Variants in RASGRF2 observed in about 807,000 individuals in gnomAD.
RASGRF2 encodes Ras protein specific guanine nucleotide releasing factor 2.
RASGRF2 carries 76 observed loss-of-function variants against 151.0 expected under a neutral mutation model. The observed-to-expected ratio is 0.50, with a 90% CI of 0.42 to 0.61. The LOEUF (loss-of-function observed/expected upper bound fraction) is 0.61. Among genes scored for constraint, RASGRF2 ranks in the 20% least tolerant of loss-of-function variants. The probability of loss-of-function intolerance (pLI) is 0.00; values close to 1 mark genes in which losing one functional copy is unlikely to be tolerated. For missense variants in RASGRF2, 1,148 were observed against 1,564.6 expected (o/e 0.73, Z 4.49); for synonymous variants, 504 against 566.5 (o/e 0.89, Z 1.57).
intron 7 of RASGRF2, among the ~76,000 whole-genome samples, chr5:81,082,569 C>T (rs2112481282): frequency 6.6e-6 from 1 of 152,324 alleles, no homozygotes; most frequent in East Asian, 1.9e-4. Context: ...TAGTTATCTC[C>T]AGACTCTCTA....
rs1273426066 is a variant in RASGRF2 at position 80,997,858 on chromosome 5, G to A, written c.288+36832G>A. On this transcript the variant is annotated intron_variant, in intron 1 of 26. Coordinates refer to ENST00000265080, the MANE Select transcript of RASGRF2 (RefSeq NM_006909.3). ...GTGGCGGGCGCCTGTAGTCCCAGCTGCTCGGAAGGCTGAGGCAAGAGAATG... is the reference window on the plus strand; with the variant it reads ...GTGGCGGGCGCCTGTAGTCCCAGCTACTCGGAAGGCTGAGGCAAGAGAATG... Among the ~76,000 whole-genome samples, 3 of 151,758 alleles carry A rather than the reference G, an allele frequency of 2.0e-5. No homozygotes were observed. The East Asian group carries it at 5.8e-4, about 30-fold the overall frequency.
At chr5:81,131,599 T>A (rs914566094) in intron 17 of RASGRF2, among the ~76,000 whole-genome samples, 1 of 151,950 alleles carries the variant, frequency 6.6e-6, no homozygotes, top group Non-Finnish European at 1.5e-5. Flanking sequence ...GGGTGATCTG[T>A]CTGCCTTGGC....
intron 1 of RASGRF2, among the ~76,000 whole-genome samples, chr5:81,038,392 T>C (rs1239427289): frequency 6.6e-6 from 1 of 151,372 alleles, no homozygotes; most frequent in Admixed American, 6.6e-5. Context: ...TCTGTCCATC[T>C]AATGGGAATG....
intron 7 of RASGRF2, among the ~76,000 whole-genome samples, chr5:81,082,007 G>T (rs1018353281): frequency 9.9e-5 from 15 of 152,100 alleles, no homozygotes; most frequent in African/African-American, 2.9e-4. Context: ...GAAATATATA[G>T]TATAGCATTC....
At chr5:81,202,676 G>A (rs1755423984) in intron 19 of RASGRF2, among the ~76,000 whole-genome samples, 1 of 152,252 alleles carries the variant, frequency 6.6e-6, no homozygotes. Flanking sequence ...AATCAGTTAA[G>A]ATGAGGTACT....
intron 17 of RASGRF2, among the ~76,000 whole-genome samples, chr5:81,175,082 C>T (rs913184125): frequency 3.9e-5 from 6 of 152,230 alleles, no homozygotes; most frequent in African/African-American, 1.4e-4. Context: ...AATCCTGGTT[C>T]TCACACTTCT....
At chr5:81,096,931 G>T (rs1251330110) in intron 12 of RASGRF2, among the ~76,000 whole-genome samples, 1 of 150,912 alleles carries the variant, frequency 6.6e-6, no homozygotes, top group Non-Finnish European at 1.5e-5. Context: ...ACCAAAAGTT[G>T]TATCTGTTTT....
chr5:81,153,142 C>A (rs907245874), intron 17 of RASGRF2, among the ~76,000 whole-genome samples: 1 of 152,124 alleles, frequency 6.6e-6, no homozygotes, highest in Admixed American at 6.6e-5. Context: ...CAAAAAGATG[C>A]TAGACATCAT....
At chr5:81,085,484 T>A (rs950616467) in intron 7 of RASGRF2, among the ~76,000 whole-genome samples, 2 of 152,182 alleles carry the variant, frequency 1.3e-5, no homozygotes, top group Admixed American at 1.3e-4. Context: ...TCTGTTTCCC[T>A]CTGAACCAGT....
intron 17 of RASGRF2, among the ~76,000 whole-genome samples, chr5:81,144,061 C>A (rs1370849780): frequency 6.6e-6 from 1 of 151,994 alleles, no homozygotes; most frequent in South Asian, 2.1e-4. Context: ...CAAAAATATA[C>A]AATGAAAAGT....
chr5:81,022,235 C>A (rs1749854150), intron 1 of RASGRF2, among the ~76,000 whole-genome samples: 2 of 152,118 alleles, frequency 1.3e-5, no homozygotes, highest in Admixed American at 1.3e-4. Flanking sequence ...GAATTCTCTC[C>A]CAGGTCTCTC....
chr5:81,202,401 G>A (rs1408797979), intron 19 of RASGRF2, among the ~76,000 whole-genome samples: 3 of 152,192 alleles, frequency 2.0e-5, no homozygotes, highest in African/African-American at 7.2e-5. Flanking sequence ...GTCATCCACA[G>A]GCAGTCTATT....
At chr5:81,200,531 T>A (rs1252331773) in intron 18 of RASGRF2, among the ~76,000 whole-genome samples, 1 of 152,226 alleles carries the variant, frequency 6.6e-6, no homozygotes. Context: ...CATATCTATA[T>A]TGATGTAGAT....
In RASGRF2 at chr5:80,996,509, TCCTCCTCCTCCCCCTCCTCCTCCTCCC is replaced by T. The variant is rs1580181360; in HGVS notation, c.288+35495_288+35521del. Among the ~76,000 whole-genome samples, 19 of 67,782 alleles carry T rather than the reference TCCTCCTCCTCCCCCTCCTCCTCCTCCC, an allele frequency of 2.8e-4. 2 individuals carry two copies. The highest frequency in any genetic ancestry group is 4.8e-4 in the African/African-American group (7 of 14,504). The allele number at this position is 67,782 out of a possible 152,430, so 44.5% of individuals were successfully genotyped here. The stretch of plus-strand genomic sequence containing the variant: ...TTCTTCTTCTTCTTCTTCTTCCTCC[TCCTCCTCCTCCCCCTCCTCCTCCTCCC>T]CCTCCTCCTCCTCCCCCTCCTCCTC... On this transcript the variant is annotated intron_variant, in intron 1 of 26. Transcript: ENST00000265080.
At chr5:81,106,673 A>G (rs761509923) in intron 12 of RASGRF2, among the ~76,000 whole-genome samples, 3 of 152,174 alleles carry the variant, frequency 2.0e-5, no homozygotes, top group Admixed American at 6.5e-5. Flanking sequence ...AGGTCCTGAC[A>G]GAACTTTCCC....
chr5:81,052,765 G>A (rs1243371988), intron 2 of RASGRF2, among the ~76,000 whole-genome samples: 3 of 152,148 alleles, frequency 2.0e-5, no homozygotes, highest in Non-Finnish European at 4.4e-5. Flanking sequence ...TAAGGTCAAA[G>A]CAAATGTTGC....
intron 1 of RASGRF2, among the ~76,000 whole-genome samples, chr5:80,996,596 T>C (rs1748891334): frequency 8.7e-6 from 1 of 115,230 alleles, no homozygotes; most frequent in Non-Finnish European, 1.7e-5. Context: ...CTCTTTCTTT[T>C]TTTTTTTTTG....
chr5:81,043,278 A>G (rs1750735876), intron 2 of RASGRF2, among the ~76,000 whole-genome samples: 1 of 151,954 alleles, frequency 6.6e-6, no homozygotes, highest in Non-Finnish European at 1.5e-5. Context: ...AATGTATTGA[A>G]TGTATTGACT....
At chr5:81,062,754 C>T (rs1751483300) in intron 2 of RASGRF2, among the ~76,000 whole-genome samples, 1 of 152,196 alleles carries the variant, frequency 6.6e-6, no homozygotes, top group South Asian at 2.1e-4. Flanking sequence ...CTTCTAGTTT[C>T]TTTCTACCTT....
Sources: allele counts gnomAD v4.1 joint callset (sites outside exome capture counted in the v4.1 genomes callset), GRCh38; gene constraint gnomAD v4.1.1; transcripts MANE v1.5; gene names NCBI Gene and HGNC (gene_info 2026-07-23, HGNC 2026-07-21).